The following PCDHGA2 variants were observed in gnomAD, a reference collection of about 807,000 sequenced individuals.
PCDHGA2 encodes protocadherin gamma-A2.
A neutral mutation model predicts 59.2 loss-of-function variants in PCDHGA2; 40 were observed. That is an observed-to-expected ratio of 0.68 (90% CI 0.52 to 0.88). The LOEUF (loss-of-function observed/expected upper bound fraction) is 0.88, where lower values mean the gene tolerates loss of function less well. Ranked by LOEUF, PCDHGA2 falls within the 40% of genes least tolerant of loss-of-function variation. PCDHGA2 has a pLI of 0.00. For missense variants in PCDHGA2, 1,226 were observed against 1,204.0 expected (o/e 1.02, Z -0.27); for synonymous variants, 560 against 526.0 (o/e 1.06, Z -0.89).
chr5:141,465,257 T>C (rs968727090), intron 1 of PCDHGA2, among the ~76,000 whole-genome samples: 19 of 152,310 alleles, frequency 1.2e-4, no homozygotes, highest in Admixed American at 1.2e-3. Flanking sequence ...TTGTAAGCAA[T>C]GATACTAGCC....
intron 1 of PCDHGA2, chr5:141,409,921 G>T (rs767370997): frequency 6.2e-7 from 1 of 1,613,404 alleles, no homozygotes; most frequent in Admixed American, 1.7e-5. Context: ...ACGGCTCCGC[G>T]TTCTTCGATA....
intron 1 of PCDHGA2, chr5:141,355,489 G>A (rs1484818134): frequency 1.2e-6 from 2 of 1,614,062 alleles, no homozygotes; most frequent in Non-Finnish European, 1.7e-6. Context: ...GGAGCTCTGC[G>A]ACAGATCTCC....
rs140933475 is a variant in PCDHGA2 at position 141,477,405 on chromosome 5, G to A, written c.2425-17402G>A. The A allele has an allele frequency of 3.8e-4, 608 of 1,614,076 alleles. No individual in the cohort carries two copies. The highest frequency in any genetic ancestry group is 4.6e-4 in the Non-Finnish European group (540 of 1,180,022). On this transcript the variant is annotated intron_variant, in intron 1 of 3. Transcript: ENST00000394576. This position sits in a 1 kb window ranked among gnomAD's most constrained non-coding sequence, Gnocchi z 4.9. ...GAATACAACCTCAGCATCACCGCCC[G>A]AGACGCCGGAACCCCTTCCCTCTCA...
At chr5:141,376,522 G>T in intron 1 of PCDHGA2, 1 of 1,613,784 alleles carries the variant, frequency 6.2e-7, no homozygotes, top group Non-Finnish European at 8.5e-7. Context: ...GTTTCTTTCC[G>T]CCTAAGCGGG....
intron 1 of PCDHGA2, chr5:141,357,593 T>G: frequency 6.2e-7 from 1 of 1,614,134 alleles, no homozygotes; most frequent in Non-Finnish European, 8.5e-7. Context: ...CAGGATTTAC[T>G]TGAAACAAAA....
intron 1 of PCDHGA2, among the ~76,000 whole-genome samples, chr5:141,402,158 G>A (rs1276790302): frequency 2.0e-5 from 3 of 151,990 alleles, no homozygotes; most frequent in Non-Finnish European, 2.9e-5. Context: ...AATATTAGGC[G>A]AGAACATCTG....
At chr5:141,437,264 A>G (rs2097872616) in intron 1 of PCDHGA2, among the ~76,000 whole-genome samples, 2 of 152,228 alleles carry the variant, frequency 1.3e-5, no homozygotes, top group South Asian at 2.1e-4. Context: ...TTTTATGTGT[A>G]TGACAGATGT....
intron 1 of PCDHGA2, chr5:141,409,578 T>A: frequency 6.2e-7 from 1 of 1,613,942 alleles, no homozygotes. Context: ...TCCTACGTGG[T>A]CCACGTGGCC....
At chr5:141,394,821 G>A (rs2093106496) in intron 1 of PCDHGA2, 2 of 1,613,744 alleles carry the variant, frequency 1.2e-6, no homozygotes, top group East Asian at 2.2e-5. Flanking sequence ...CAGCATCCCC[G>A]AAGTCCTGAC....
intron 1 of PCDHGA2, chr5:141,418,857 T>G (rs1378155402): frequency 6.2e-7 from 1 of 1,613,988 alleles, no homozygotes; most frequent in South Asian, 1.1e-5. Context: ...CGGTGTAAAG[T>G]AATTGTAGAA....
chr5:141,421,679 C>A, intron 1 of PCDHGA2: 1 of 1,613,810 alleles, frequency 6.2e-7, no homozygotes, highest in East Asian at 2.2e-5. Flanking sequence ...ATTCCTGGGG[C>A]GCGATTTGCT....
chr5:141,387,840 C>A, intron 1 of PCDHGA2: 1 of 1,597,864 alleles, frequency 6.3e-7, no homozygotes, highest in African/African-American at 1.3e-5. Context: ...TTATTTGTAA[C>A]CCGGCGTCTC....
chr5:141,394,485 A>G (rs376708104), intron 1 of PCDHGA2: 3 of 1,614,184 alleles, frequency 1.9e-6, no homozygotes, highest in Non-Finnish European at 2.5e-6. Flanking sequence ...CCAGAATGAC[A>G]ACGCGCCCGA....
chr5:141,350,133 C>A, intron 1 of PCDHGA2: 1 of 737,116 alleles, frequency 1.4e-6, no homozygotes, highest in Non-Finnish European at 2.0e-6. Flanking sequence ...TGAGCACAGA[C>A]GCTGCTCCTG....
At chr5:141,413,722 T>TCC (rs1330658153) in intron 1 of PCDHGA2, 1 of 1,613,450 alleles carries the variant, frequency 6.2e-7, no homozygotes. Context: ...TAAGCACTTC[T>TCC]CCCTAAGAGT....
chr5:141,417,800 C>T, intron 1 of PCDHGA2: 1 of 1,489,386 alleles, frequency 6.7e-7, no homozygotes. Context: ...TCTTTTAGCG[C>T]GGTAGAGTGC....
intron 1 of PCDHGA2, among the ~76,000 whole-genome samples, chr5:141,452,745 G>A (rs1246578948): frequency 6.6e-6 from 1 of 152,054 alleles, no homozygotes; most frequent in African/African-American, 2.4e-5. Flanking sequence ...AGAGAGAGAA[G>A]GAAGAAGGAA....
rs2154576188 is a variant in PCDHGA2 at position 141,477,933 on chromosome 5, T to C, written c.2425-16874T>C. ...GCGGATGCAGGGCACAATGCCTGGCTCTCCTACAGTCTCTTGGGATCCCCT... is the reference window on the plus strand; with the variant it reads ...GCGGATGCAGGGCACAATGCCTGGCCCTCCTACAGTCTCTTGGGATCCCCT... On this transcript the variant is annotated intron_variant, in intron 1 of 3. Coordinates refer to ENST00000394576, the MANE Select transcript of PCDHGA2 (RefSeq NM_018915.4). The surrounding 1 kb of genome is among the most constrained non-coding windows in gnomAD (Gnocchi z 4.9). 1.2e-6 allele frequency: 2 copies of C among 1,614,112 alleles called. No homozygotes were observed. Among genetic ancestry groups the C allele is most frequent in the Non-Finnish European group, 1.7e-6 (2 of 1,180,022 alleles).
At position 141,361,752 on chromosome 5, in the gene PCDHGA2, G is replaced by C. The variant is rs1860253; in HGVS notation, c.2424+20357G>C. 6.1e-5 allele frequency: 99 copies of C among 1,612,892 alleles called. 1 individual carries two copies. The highest frequency in any genetic ancestry group is 3.3e-4 in the Middle Eastern group (2 of 6,058). On this transcript the variant is annotated intron_variant, in intron 1 of 3. Transcript: ENST00000394576. ...CACTGCAGGCCCGCGACCAGGGCTC[G>C]CCCGCGCTCAGCGCCAACGTGAGCC...
Sources: gnomAD v4.1 joint callset for allele counts (sites outside exome capture counted in the v4.1 genomes callset) on GRCh38, gnomAD v4.1.1 for gene constraint, Gnocchi (gnomAD v3.1) non-coding constraint, MANE v1.5 for transcripts, NCBI Gene and HGNC (gene_info 2026-07-23, HGNC 2026-07-21) for gene names.